The following SLC30A8 variants were observed in gnomAD, a reference collection of about 807,000 sequenced individuals.
The protein encoded by SLC30A8 is proton-coupled zinc antiporter SLC30A8.
A neutral mutation model predicts 36.9 loss-of-function variants in SLC30A8; 27 were observed. The observed-to-expected ratio is 0.73, with a 90% confidence interval of 0.54 to 1.01. The LOEUF is 1.01. Ranked by LOEUF, SLC30A8 falls within the 50% of genes least tolerant of loss-of-function variation. SLC30A8 has a pLI of 0.00. For synonymous variants in SLC30A8, 164 were observed against 172.4 expected, an observed-to-expected ratio of 0.95 and a Z score of 0.38; for missense variants, 439 against 452.0, an observed-to-expected ratio of 0.97 and a Z score of 0.26.
chr8:117,049,619 T>C (rs529404835), intron 2 of SLC30A8, among the ~76,000 whole-genome samples: 104 of 152,346 alleles, frequency 6.8e-4, no homozygotes, highest in African/African-American at 2.4e-3. Context: ...ATCCTCTTTA[T>C]CTACTGCCTG....
rs538301591 is a variant in SLC30A8 at position 117,070,291 on chromosome 8, G to A, written c.-226+31033G>A. On this transcript the variant is annotated intron_variant, in intron 2 of 10. Transcript: ENST00000427715. ...GCTTGCACATGGGGCTGCATTCAGC[G>A]GGAGGGTGGACTGGGCTGGAAGGTC... is the stretch of plus-strand genomic sequence containing the variant. 1.2e-4 allele frequency among the ~76,000 whole-genome samples: 19 copies of A among 152,296 alleles called. No homozygotes were observed. The East Asian group carries it at 1.5e-3, about 12-fold the overall frequency.
chr8:117,044,077 G>A (rs561701739), intron 2 of SLC30A8, among the ~76,000 whole-genome samples: 2 of 152,288 alleles, frequency 1.3e-5, no homozygotes, highest in Middle Eastern at 3.4e-3. Flanking sequence ...TTTGTGAGGG[G>A]ACTCTCATTA....
intron 1 of SLC30A8, among the ~76,000 whole-genome samples, chr8:116,996,243 CTCT>C (rs1380864559): frequency 2.0e-5 from 3 of 152,154 alleles, no homozygotes; most frequent in South Asian, 4.1e-4. Flanking sequence ...GTCCAAAGCT[CTCT>C]TCTTATAGGA....
chr8:117,171,206 T>C (rs1823367075), intron 7 of SLC30A8, 38 bp downstream of exon 7: 1 of 1,608,524 alleles, frequency 6.2e-7, no homozygotes. Flanking sequence ...AAAAATTCAG[T>C]CCTTGTCCTG....
At chr8:117,085,834 A>G (rs2130819190) in intron 2 of SLC30A8, among the ~76,000 whole-genome samples, 3 of 152,290 alleles carry the variant, frequency 2.0e-5, no homozygotes, top group Admixed American at 2.0e-4. Context: ...GATTCCAAAT[A>G]TGTGCCCTTA....
At chr8:117,014,361 A>G (rs1816440769) in intron 1 of SLC30A8, among the ~76,000 whole-genome samples, 2 of 152,194 alleles carry the variant, frequency 1.3e-5, no homozygotes, top group Admixed American at 6.5e-5. Flanking sequence ...GAATGAGCCT[A>G]TCATCTTTGA....
At chr8:117,079,523 C>A (rs1239482004) in intron 2 of SLC30A8, among the ~76,000 whole-genome samples, 1 of 152,110 alleles carries the variant, frequency 6.6e-6, no homozygotes, top group Admixed American at 6.5e-5. Context: ...ATTCTCCTTG[C>A]TAATGATGGG....
At chr8:117,145,715 T>A (rs866679162) in intron 1 of SLC30A8, among the ~76,000 whole-genome samples, 2 of 152,068 alleles carry the variant, frequency 1.3e-5, no homozygotes, top group Admixed American at 1.3e-4. Context: ...CTAAAATTGG[T>A]TTTAGGCATG....
chr8:117,102,394 ATC>A (rs1819764244), intron 2 of SLC30A8, among the ~76,000 whole-genome samples: 1 of 152,162 alleles, frequency 6.6e-6, no homozygotes, highest in Non-Finnish European at 1.5e-5. Flanking sequence ...GTTACCATTC[ATC>A]TCTCTGACTT....
intron 2 of SLC30A8, among the ~76,000 whole-genome samples, chr8:117,106,626 TTGGC>T (rs1820007943): frequency 6.6e-6 from 1 of 152,158 alleles, no homozygotes; most frequent in South Asian, 2.1e-4. Context: ...AGAACTTGGA[TTGGC>T]TGCCTGTCAA....
chr8:117,007,290 G>C (rs989023013), intron 1 of SLC30A8, among the ~76,000 whole-genome samples: 1 of 152,110 alleles, frequency 6.6e-6, no homozygotes, highest in African/African-American at 2.4e-5. Context: ...TTGTTTATGT[G>C]TTGCAAAACA....
At chr8:117,169,417 G>A (rs918992978) in intron 6 of SLC30A8, among the ~76,000 whole-genome samples, 1 of 152,030 alleles carries the variant, frequency 6.6e-6, no homozygotes, top group Admixed American at 6.6e-5. Context: ...AGGCATAAAT[G>A]GGTTAAATTT....
At chr8:117,080,621 AT>A (rs1818642774) in intron 2 of SLC30A8, among the ~76,000 whole-genome samples, 1 of 152,228 alleles carries the variant, frequency 6.6e-6, no homozygotes, top group Non-Finnish European at 1.5e-5. Context: ...TTTGCTTAAG[AT>A]AATGGCCTCC....
intron 2 of SLC30A8, chr8:117,128,608 A>G (rs1312249851): frequency 6.6e-6 from 1 of 152,078 alleles, no homozygotes; most frequent in African/African-American, 2.4e-5. Context: ...TTGAAATTTA[A>G]AACACCTTGC....
chr8:117,020,330 A>G (rs1327781041), intron 1 of SLC30A8, among the ~76,000 whole-genome samples: 2 of 152,228 alleles, frequency 1.3e-5, no homozygotes, highest in East Asian at 1.9e-4. Flanking sequence ...TAAATTAACT[A>G]TCGTTTTATT....
At chr8:117,068,198 A>C (rs1010171902) in intron 2 of SLC30A8, among the ~76,000 whole-genome samples, 6 of 152,198 alleles carry the variant, frequency 3.9e-5, no homozygotes, top group African/African-American at 1.4e-4. Flanking sequence ...GCACTGCAGC[A>C]AGCCAGACTC....
chr8:117,023,710 A>G (rs1239315366), intron 1 of SLC30A8, among the ~76,000 whole-genome samples: 1 of 72,510 alleles, frequency 1.4e-5, no homozygotes, highest in Non-Finnish European at 2.6e-5. Context: ...ATCACACACC[A>G]GGGCCTGTTG....
At chr8:117,168,353 G>A (rs1424398866) in intron 6 of SLC30A8, among the ~76,000 whole-genome samples, 1 of 151,980 alleles carries the variant, frequency 6.6e-6, no homozygotes, top group Non-Finnish European at 1.5e-5. Context: ...ACTCTAATAG[G>A]TGAAATATTA....
intron 4 of SLC30A8, among the ~76,000 whole-genome samples, chr8:117,159,912 C>T (rs1004759131): frequency 1.3e-5 from 2 of 152,188 alleles, no homozygotes; most frequent in African/African-American, 2.4e-5. Flanking sequence ...TTCTTTTTCT[C>T]GTAACTGCTT....
Sources: gnomAD v4.1 joint callset for allele counts (sites outside exome capture counted in the v4.1 genomes callset) on GRCh38, gnomAD v4.1.1 for gene constraint, MANE v1.5 for transcripts, NCBI Gene and HGNC (gene_info 2026-07-23, HGNC 2026-07-21) for gene names.